RMST: variants seen among roughly 807,000 people sequenced by gnomAD.
The protein encoded by RMST is rhabdomyosarcoma 2 associated transcript.
intron 11 of RMST, among the ~76,000 whole-genome samples, chr12:97,531,850 T>G (rs1453227697): frequency 1.3e-5 from 2 of 152,040 alleles, no homozygotes; most frequent in Non-Finnish European, 2.9e-5. Context: ...TGTTATGAAA[T>G]TACATTTTGG....
chr12:97,511,897 G>A (rs192339116), intron 10 of RMST, among the ~76,000 whole-genome samples: 9 of 152,116 alleles, frequency 5.9e-5, no homozygotes, highest in Admixed American at 5.9e-4. Context: ...TATAGTTTTA[G>A]CTATTGGAAA....
chr12:97,476,669 T>G (rs1874587004), intron 5 of RMST, among the ~76,000 whole-genome samples: 1 of 152,236 alleles, frequency 6.6e-6, no homozygotes, highest in Non-Finnish European at 1.5e-5. Flanking sequence ...TAGGCAAATT[T>G]GCATAATACT....
At chr12:97,471,267 G>A (rs956912675) in intron 5 of RMST, among the ~76,000 whole-genome samples, 32 of 152,168 alleles carry the variant, frequency 2.1e-4, no homozygotes, top group African/African-American at 6.7e-4. Context: ...TATGTGTAGC[G>A]TGTGTTAATT....
chr12:97,493,701 C>A (rs544692327), intron 7 of RMST, among the ~76,000 whole-genome samples: 9 of 152,276 alleles, frequency 5.9e-5, no homozygotes, highest in African/African-American at 9.6e-5. Context: ...ATCACACTTA[C>A]AAATATGAGC....
rs148407107 is a variant in RMST, at chr12:97,553,148, C to T, written n.1546-7389C>T. Among the ~76,000 whole-genome samples the T allele has an allele frequency of 3.2e-3, 484 of 152,182 alleles. 5 individuals carry two copies. The highest frequency in any genetic ancestry group is 0.011 in the African/African-American group (446 of 41,510). ...TGGCACATTTTGTTAAAATAAAAGA[C>T]CTATAATGGTTTATGTGCTAAACCC... is the stretch of plus-strand genomic sequence containing the variant. On this transcript the variant is annotated intron_variant and non_coding_transcript_variant, in intron 11 of 13. Transcript: ENST00000640149.
chr12:97,550,082 T>C (rs1312699965), intron 11 of RMST, among the ~76,000 whole-genome samples: 1 of 152,196 alleles, frequency 6.6e-6, no homozygotes, highest in Non-Finnish European at 1.5e-5. Flanking sequence ...GTATCATTGG[T>C]GAAGCACCCT....
chr12:97,518,035 C>A (rs550443960), intron 10 of RMST, among the ~76,000 whole-genome samples: 37 of 151,970 alleles, frequency 2.4e-4, no homozygotes, highest in Non-Finnish European at 4.1e-4. Context: ...ATTAATTTTT[C>A]TAATAATTAT....
chr12:97,544,515 G>A (rs948511198), intron 11 of RMST, among the ~76,000 whole-genome samples: 6 of 152,006 alleles, frequency 3.9e-5, no homozygotes, highest in Non-Finnish European at 8.8e-5. Context: ...TAATGGCTAA[G>A]TCTTCAGAAG....
chr12:97,491,529 T>C (rs1228612032), intron 5 of RMST: 1 of 169,812 alleles, frequency 5.9e-6, no homozygotes, highest in Non-Finnish European at 1.3e-5. Flanking sequence ...ATCTTTTTAA[T>C]TATTTAAACT....
Position 97,481,898 on chromosome 12 carries a change from C to T in RMST, n.645-10563C>T, listed in dbSNP as rs150749306. Among the ~76,000 whole-genome samples, 250 of 152,322 alleles carry T rather than the reference C, an allele frequency of 1.6e-3. 1 individual carries two copies. The highest frequency in any genetic ancestry group is 5.6e-3 in the African/African-American group (233 of 41,580). On this transcript the variant is annotated intron_variant and non_coding_transcript_variant, in intron 5 of 13. Transcript: ENST00000640149. ...CATTTGATTCAGGCTGCTCTTTCCA[C>T]ATCCATCTCGAAACTTCAGCCCTTG...
Position 97,552,759 on chromosome 12 carries a change from T to C in RMST, n.1546-7778T>C, listed in dbSNP as rs190662544. Among the ~76,000 whole-genome samples the C allele has an allele frequency of 6.9e-4, 105 of 152,364 alleles. 2 individuals are homozygous for C. The highest frequency in any genetic ancestry group is 6.8e-3 in the Middle Eastern group (2 of 294). On this transcript the variant is annotated intron_variant and non_coding_transcript_variant, in intron 11 of 13. Transcript: ENST00000640149. ...TTAGACCACAGCAGTGACTTTATTC[T>C]GTAAGAAATGCAACCCAGCTACTTG... is the stretch of plus-strand genomic sequence containing the variant.
Position 97,479,433 on chromosome 12 carries a change from G to A in RMST, n.645-13028G>A, listed in dbSNP as rs564637900. Among the ~76,000 whole-genome samples, 29 of 152,166 alleles carry A rather than the reference G, an allele frequency of 1.9e-4. No individual in the cohort carries two copies. In the East Asian group the frequency reaches 4.5e-3, roughly 23 times the overall value. ...CTCCCAAAGTACTGAGATTATAGGC[G>A]TGAGCCACAATGCCCAGTCTTTACT... On this transcript the variant is annotated intron_variant and non_coding_transcript_variant, in intron 5 of 13. Coordinates refer to ENST00000640149, the Ensembl canonical transcript of RMST.
At chr12:97,520,886 G>A (rs901964135) in intron 10 of RMST, among the ~76,000 whole-genome samples, 7 of 152,184 alleles carry the variant, frequency 4.6e-5, no homozygotes, top group Non-Finnish European at 7.3e-5. Context: ...ATCCTGCTGG[G>A]CAGTGTTCCT....
At chr12:97,558,593 T>A (rs2136668028) in intron 11 of RMST, among the ~76,000 whole-genome samples, 1 of 152,244 alleles carries the variant, frequency 6.6e-6, no homozygotes, top group Non-Finnish European at 1.5e-5. Flanking sequence ...ACAGCTGAGT[T>A]TTTTTTTCTT....
At chr12:97,509,655 G>T (rs1269629581) in intron 10 of RMST, among the ~76,000 whole-genome samples, 1 of 152,014 alleles carries the variant, frequency 6.6e-6, no homozygotes, top group East Asian at 1.9e-4. Flanking sequence ...AATAAAGTCA[G>T]AATATTCTGG....
intron 5 of RMST, among the ~76,000 whole-genome samples, chr12:97,477,747 G>A (rs1593134206): frequency 1.3e-5 from 2 of 152,282 alleles, no homozygotes; most frequent in South Asian, 2.1e-4. Flanking sequence ...GAAAGGATAA[G>A]GTTATTTCTT....
intron 10 of RMST, among the ~76,000 whole-genome samples, chr12:97,522,437 A>G (rs1458518093): frequency 6.6e-6 from 1 of 152,210 alleles, no homozygotes; most frequent in Non-Finnish European, 1.5e-5. Flanking sequence ...GTTGAGATAT[A>G]GTTTCTAGCT....
chr12:97,486,023 G>A (rs1480478879), intron 5 of RMST, among the ~76,000 whole-genome samples: 1 of 152,178 alleles, frequency 6.6e-6, no homozygotes, highest in Non-Finnish European at 1.5e-5. Context: ...TACGCAGAAT[G>A]CATCCTTTTG....
chr12:97,476,404 C>T (rs773659367), intron 5 of RMST, among the ~76,000 whole-genome samples: 2 of 152,152 alleles, frequency 1.3e-5, no homozygotes, highest in Non-Finnish European at 2.9e-5. Context: ...TGTATAGAAA[C>T]TCGGAAATAG....
Sources: allele counts gnomAD v4.1 joint callset (sites outside exome capture counted in the v4.1 genomes callset), GRCh38; gene constraint gnomAD v4.1.1; transcripts MANE v1.5; gene names NCBI Gene and HGNC (gene_info 2026-07-23, HGNC 2026-07-21).